CMKLR1: variants seen among roughly 807,000 people sequenced by gnomAD.
CMKLR1 encodes chemerin chemokine-like receptor 1.
In CMKLR1, 6 loss-of-function variants were observed where a neutral mutation model predicts 8.2. The observed-to-expected ratio is 0.73, with a 90% CI of 0.40 to 1.44. CMKLR1 has a LOEUF of 1.44. CMKLR1 is among the 40% of genes most tolerant of loss of function. The pLI is 0.02. For missense variants in CMKLR1, 429 were observed against 478.0 expected (o/e 0.90, Z 0.96); for synonymous variants, 178 against 181.2 (o/e 0.98, Z 0.14).
chr12:108,291,818 A>G lies in CMKLR1; in HGVS notation c.*23T>C, dbSNP rs758039612. The G allele has an allele frequency of 1.3e-6, 2 of 1,595,830 alleles. No individual in the cohort carries two copies. The highest frequency in any genetic ancestry group is 1.7e-6 in the Non-Finnish European group (2 of 1,171,714). ...GGGTGTCCCTGGGTTGAGAGAGTCC[A>G]TTGAGGGGTTCCACAGTGAGGATCA... On this transcript the variant is annotated 3_prime_UTR_variant, in exon 4 of 4. Coordinates refer to ENST00000550402, the MANE Select transcript of CMKLR1 (RefSeq NM_001142343.2).
At chr12:108,296,602 G>T (rs1891142929) in intron 2 of CMKLR1, among the ~76,000 whole-genome samples, 1 of 152,116 alleles carries the variant, frequency 6.6e-6, no homozygotes, top group Non-Finnish European at 1.5e-5. Context: ...GAGGTGGGAG[G>T]ATTACTTGAG....
At chr12:108,307,353 C>G (rs1303624709) in intron 2 of CMKLR1, among the ~76,000 whole-genome samples, 2 of 150,446 alleles carry the variant, frequency 1.3e-5, no homozygotes, top group Non-Finnish European at 3.0e-5. Flanking sequence ...GGAGGCCCCA[C>G]ATGCCTCCAG....
intron 2 of CMKLR1, among the ~76,000 whole-genome samples, chr12:108,300,991 C>T (rs1324874586): frequency 6.6e-6 from 1 of 151,706 alleles, no homozygotes; most frequent in African/African-American, 2.4e-5. Flanking sequence ...AAGCACGTTC[C>T]ATCACTGTAG....
chr12:108,301,985 G>A (rs1010650702), intron 2 of CMKLR1, among the ~76,000 whole-genome samples: 3 of 152,066 alleles, frequency 2.0e-5, no homozygotes, highest in Non-Finnish European at 4.4e-5. Flanking sequence ...TGCCTCCAAC[G>A]GAGGAAGATA....
chr12:108,324,140 C>A (rs1384158335), intron 2 of CMKLR1, among the ~76,000 whole-genome samples: 1 of 152,176 alleles, frequency 6.6e-6, no homozygotes, highest in East Asian at 1.9e-4. Flanking sequence ...CTGGTGACGA[C>A]TGGGTTCTTG....
At chr12:108,337,783 G>A (rs1401084009) in intron 1 of CMKLR1, among the ~76,000 whole-genome samples, 1 of 152,194 alleles carries the variant, frequency 6.6e-6, no homozygotes, top group Non-Finnish European at 1.5e-5. Context: ...CATCATTTGA[G>A]TGCCACTGGT....
rs181681618 is a variant in CMKLR1, at chr12:108,298,234, A to G, written c.-73-4570T>C. ...ATGTCTACATCGAATTATACTTTAT[A>G]TTGGTTTTACTTCCTTGTAATAACT... On this transcript the variant is annotated intron_variant, in intron 2 of 3. Transcript: ENST00000550402. Among the ~76,000 whole-genome samples the G allele has an allele frequency of 2.2e-3, 336 of 152,302 alleles. 5 individuals carry two copies. Among genetic ancestry groups the G allele is most frequent in the Non-Finnish European group, 5.9e-4 (40 of 68,030 alleles).
At chr12:108,301,163 C>T (rs947750165) in intron 2 of CMKLR1, among the ~76,000 whole-genome samples, 2 of 150,674 alleles carry the variant, frequency 1.3e-5, no homozygotes, top group East Asian at 1.9e-4. Flanking sequence ...GCAGCCTCTG[C>T]CTCTCGGGTT....
intron 2 of CMKLR1, among the ~76,000 whole-genome samples, chr12:108,298,201 T>C (rs989064946): frequency 6.6e-6 from 1 of 152,236 alleles, no homozygotes; most frequent in Admixed American, 6.5e-5. Context: ...TGGTTTTGCT[T>C]GGTCCTTATG....
At chr12:108,294,834 A>G (rs1891089050) in intron 2 of CMKLR1, among the ~76,000 whole-genome samples, 1 of 152,226 alleles carries the variant, frequency 6.6e-6, no homozygotes, top group African/African-American at 2.4e-5. Context: ...ATGCTTTATT[A>G]TAAATAACTC....
chr12:108,311,653 G>C (rs547547811), intron 2 of CMKLR1, among the ~76,000 whole-genome samples: 2 of 152,292 alleles, frequency 1.3e-5, no homozygotes, highest in Admixed American at 1.3e-4. Flanking sequence ...GCCAGGGAAA[G>C]GACGCTAAGG....
chr12:108,299,643 T>A (rs1429427000), intron 2 of CMKLR1, among the ~76,000 whole-genome samples: 1 of 151,972 alleles, frequency 6.6e-6, no homozygotes, highest in Non-Finnish European at 1.5e-5. Context: ...GCAGTCACCG[T>A]ATAAGAGGAA....
chr12:108,321,109 G>A (rs1427885725), intron 2 of CMKLR1, among the ~76,000 whole-genome samples: 4 of 152,268 alleles, frequency 2.6e-5, no homozygotes, highest in South Asian at 2.1e-4. Flanking sequence ...AGGGGTCCCC[G>A]TGGGATCAGA....
intron 2 of CMKLR1, among the ~76,000 whole-genome samples, chr12:108,298,687 T>C (rs552790674): frequency 6.6e-6 from 1 of 152,222 alleles, no homozygotes; most frequent in East Asian, 1.9e-4. Flanking sequence ...TCACAGCCCA[T>C]AGAGGCAGGC....
At chr12:108,327,639 G>A (rs1224570061) in intron 2 of CMKLR1, among the ~76,000 whole-genome samples, 1 of 152,198 alleles carries the variant, frequency 6.6e-6, no homozygotes, top group Admixed American at 6.5e-5. Context: ...TAGGTACTTG[G>A]CTTATAAGCA....
intron 2 of CMKLR1, among the ~76,000 whole-genome samples, chr12:108,307,752 T>C (rs774573947): frequency 1.3e-5 from 2 of 152,222 alleles, no homozygotes; most frequent in Non-Finnish European, 2.9e-5. Context: ...GAAACCAAGC[T>C]ATTGTCTGGC....
intron 2 of CMKLR1, among the ~76,000 whole-genome samples, chr12:108,298,270 T>C (rs886253329): frequency 2.2e-4 from 34 of 152,226 alleles, no homozygotes; most frequent in African/African-American, 8.0e-4. Context: ...AATAATTGAT[T>C]GGGTGCACAT....
rs368924782 is a variant in CMKLR1, at chr12:108,291,839, G to A, written c.*2C>T. On this transcript the variant is annotated 3_prime_UTR_variant, in exon 4 of 4. Coordinates refer to ENST00000550402, the MANE Select transcript of CMKLR1 (RefSeq NM_001142343.2). ...GTCCATTGAGGGGTTCCACAGTGAG[G>A]ATCAAAGCATGCCGGTCTCCCTCTC... 5.3e-5 allele frequency: 85 copies of A among 1,608,608 alleles called. No homozygotes were observed. The highest frequency in any genetic ancestry group is 7.0e-5 in the Non-Finnish European group (83 of 1,177,458).
intron 2 of CMKLR1, among the ~76,000 whole-genome samples, chr12:108,323,873 A>G (rs925150669): frequency 6.6e-6 from 1 of 152,144 alleles, no homozygotes; most frequent in Non-Finnish European, 1.5e-5. Flanking sequence ...GGGCCAAGGG[A>G]AGGGAACTGG....
Sources: gnomAD v4.1 joint callset for allele counts (sites outside exome capture counted in the v4.1 genomes callset) on GRCh38, gnomAD v4.1.1 for gene constraint, MANE v1.5 for transcripts, NCBI Gene and HGNC (gene_info 2026-07-23, HGNC 2026-07-21) for gene names.